The following SEPTIN10 variants were observed in gnomAD, a reference collection of about 807,000 sequenced individuals.
The protein encoded by SEPTIN10 is septin-10.
A neutral mutation model predicts 54.8 loss-of-function variants in SEPTIN10; 66 were observed. The observed-to-expected ratio is 1.21, with a 90% CI of 0.99 to 1.48. SEPTIN10 has a LOEUF of 1.48. Among genes scored for constraint, SEPTIN10 ranks in the 40% most tolerant of loss-of-function variants. The probability of loss-of-function intolerance (pLI) is 0.00; values close to 1 mark genes in which losing one functional copy is unlikely to be tolerated. For missense variants in SEPTIN10, 620 were observed against 545.6 expected (o/e 1.14, Z -1.36); for synonymous variants, 161 against 181.0 (o/e 0.89, Z 0.89).
chr2:109,590,218 G>A (rs1032296555), intron 2 of SEPTIN10, among the ~76,000 whole-genome samples: 4 of 151,808 alleles, frequency 2.6e-5, no homozygotes, highest in African/African-American at 7.3e-5. Context: ...AGAAGAAATC[G>A]CTTTTTATTG....
chr2:109,567,548 C>T lies in SEPTIN10; in HGVS notation c.762+267G>A, dbSNP rs528457175. On this transcript the variant is annotated intron_variant, in intron 6 of 10. Coordinates refer to ENST00000397712, the MANE Select transcript of SEPTIN10 (RefSeq NM_144710.5). ...TCTAAGGCAATTACATATGGCTGCACAAAAGGTATATCCCAGTCTCACAAA... is the reference window on the plus strand; with the variant it reads ...TCTAAGGCAATTACATATGGCTGCATAAAAGGTATATCCCAGTCTCACAAA... 7.9e-5 allele frequency among the ~76,000 whole-genome samples: 12 copies of T among 152,238 alleles called. No homozygotes were observed. The East Asian group carries it at 1.9e-3, about 24-fold the overall frequency.
At chr2:109,544,654 GA>G in intron 10 of SEPTIN10, 4 of 918,386 alleles carry the variant, frequency 4.4e-6, no homozygotes, top group South Asian at 5.1e-5. Flanking sequence ...AAGATGAAAG[GA>G]AAAAAGGTAT....
At chr2:109,594,380 T>TA (rs2105981512) in intron 1 of SEPTIN10, among the ~76,000 whole-genome samples, 1 of 152,304 alleles carries the variant, frequency 6.6e-6, no homozygotes, top group South Asian at 2.1e-4. Flanking sequence ...ACCAGACCCT[T>TA]ACGCATCCTT....
intron 1 of SEPTIN10, among the ~76,000 whole-genome samples, chr2:109,610,971 C>A (rs535053607): frequency 4.5e-4 from 68 of 152,286 alleles, no homozygotes; most frequent in African/African-American, 1.6e-3. Context: ...CAGACTTACA[C>A]AGCTACAGGA....
chr2:109,552,980 A>G, intron 9 of SEPTIN10, 107 bp downstream of exon 9: 3 of 1,263,500 alleles, frequency 2.4e-6, no homozygotes, highest in Non-Finnish European at 3.3e-6. Context: ...CTCTTTAAAG[A>G]ACAAGTAGCC....
intron 1 of SEPTIN10, 81 bp from the exon 2 acceptor site, chr2:109,593,200 G>T: frequency 1.2e-6 from 1 of 860,856 alleles, no homozygotes; most frequent in Non-Finnish European, 1.8e-6. Context: ...ATATTTACAT[G>T]AATAAGGTGT....
chr2:109,547,183 A>G (rs910141082), intron 9 of SEPTIN10, among the ~76,000 whole-genome samples: 1 of 152,120 alleles, frequency 6.6e-6, no homozygotes, highest in African/African-American at 2.4e-5. Context: ...TCTGCCAGCT[A>G]TGTGCCTTCC....
At chr2:109,610,408 C>T (rs1427268277) in intron 1 of SEPTIN10, among the ~76,000 whole-genome samples, 1 of 151,688 alleles carries the variant, frequency 6.6e-6, no homozygotes, top group Non-Finnish European at 1.5e-5. Flanking sequence ...ATTTTAATAT[C>T]CTCTTCTATT....
chr2:109,546,245 C>A lies in SEPTIN10; in HGVS notation c.1162-8G>T, dbSNP rs1237858126. 1 of 1,533,896 alleles carries A rather than the reference C, an allele frequency of 6.5e-7. No individual in the cohort carries two copies. Among genetic ancestry groups the A allele is most frequent in the East Asian group, 2.3e-5 (1 of 42,774 alleles). On this transcript the variant is annotated splice_region_variant and splice_polypyrimidine_tract_variant and intron_variant, in intron 9 of 10. Coordinates refer to ENST00000397712, the MANE Select transcript of SEPTIN10 (RefSeq NM_144710.5). ...CTCAAATTTGGCCTGTAGCTGGAAA[C>A]AAAAGTGCAATCCCCACTACTGACA...
rs183394356 is a variant in SEPTIN10 at position 109,584,178 on chromosome 2, T to C, written c.413+948A>G. Among the ~76,000 whole-genome samples, 149 of 152,204 alleles carry C rather than the reference T, an allele frequency of 9.8e-4. 1 individual carries two copies. Among genetic ancestry groups the C allele is most frequent in the Non-Finnish European group, 1.5e-3 (105 of 68,008 alleles). On this transcript the variant is annotated intron_variant, in intron 4 of 10. Coordinates refer to ENST00000397712, the MANE Select transcript of SEPTIN10 (RefSeq NM_144710.5). ...ATTTTTTAAAAGGAAAAAAATTACT[T>C]ACAAAAATGGAAATAAGACTGGGCG...
chr2:109,568,282 G>T (rs568397780), intron 5 of SEPTIN10, among the ~76,000 whole-genome samples: 1 of 151,638 alleles, frequency 6.6e-6, no homozygotes, highest in African/African-American at 2.4e-5. Context: ...GCCCTTTGCA[G>T]AAAAGGCATG....
intron 2 of SEPTIN10, among the ~76,000 whole-genome samples, chr2:109,590,234 G>A (rs891974287): frequency 6.6e-6 from 1 of 151,840 alleles, no homozygotes; most frequent in African/African-American, 2.4e-5. Flanking sequence ...TATTGTATAT[G>A]GTTGGCAGAA....
chr2:109,598,997 A>C (rs1695951115), intron 1 of SEPTIN10, among the ~76,000 whole-genome samples: 1 of 152,210 alleles, frequency 6.6e-6, no homozygotes, highest in South Asian at 2.1e-4. Flanking sequence ...CATTATTTAA[A>C]ATCATTTTAT....
rs192179643 is a variant in SEPTIN10 at position 109,604,123 on chromosome 2, C to T, written c.30+9675G>A. ...ATTGCAGTGAGCCGAGATCATGCCACTGCACTCCAGCCTGGGCGACAGAGC... is the reference window on the plus strand; with the variant it reads ...ATTGCAGTGAGCCGAGATCATGCCATTGCACTCCAGCCTGGGCGACAGAGC... On this transcript the variant is annotated intron_variant, in intron 1 of 10. Transcript: ENST00000397712. Among the ~76,000 whole-genome samples, 1,342 of 143,540 alleles carry T rather than the reference C, an allele frequency of 9.3e-3. 95 individuals carry two copies. Among genetic ancestry groups the T allele is most frequent in the Admixed American group, 0.086 (1,203 of 14,056 alleles). 94.2% of individuals were successfully genotyped at this position (143,540 alleles called of 152,430 possible).
chr2:109,591,003 G>C (rs1196892261), intron 2 of SEPTIN10, among the ~76,000 whole-genome samples: 1 of 152,174 alleles, frequency 6.6e-6, no homozygotes, highest in Non-Finnish European at 1.5e-5. Flanking sequence ...TTGACCTATA[G>C]AACTGAGAGC....
chr2:109,552,711 C>A, intron 9 of SEPTIN10: 1 of 192,344 alleles, frequency 5.2e-6, no homozygotes. Flanking sequence ...TTGGCACTAA[C>A]AAAGACAAAC....
chr2:109,556,850 A>G (rs1214244824), intron 8 of SEPTIN10, among the ~76,000 whole-genome samples: 1 of 152,212 alleles, frequency 6.6e-6, no homozygotes, highest in Non-Finnish European at 1.5e-5. Flanking sequence ...ATAAAAAATG[A>G]TGAGTTCATG....
In SEPTIN10 at chr2:109,552,926, A is replaced by C; in HGVS notation, c.1161+161T>G. ...CAAAGTTTTCATTTAATTTCAGGCTATGATTCTAAGTCAATATTCAAATAC... is the reference window on the plus strand; with the variant it reads ...CAAAGTTTTCATTTAATTTCAGGCTCTGATTCTAAGTCAATATTCAAATAC... On this transcript the variant is annotated intron_variant, in intron 9 of 10. Transcript: ENST00000397712. The C allele has an allele frequency of 5.1e-6, 4 of 777,074 alleles. No homozygotes were observed. In the South Asian group the frequency reaches 8.8e-5, roughly 17 times the overall value. The allele number at this position is 777,074 out of a possible 1,614,324, so 48.1% of individuals were successfully genotyped here. A position where few individuals can be genotyped will look rare whatever the true frequency, so the allele number is the denominator to read the frequency against.
At chr2:109,552,766 G>A (rs1006926557) in intron 9 of SEPTIN10, 6 of 216,200 alleles carry the variant, frequency 2.8e-5, no homozygotes, top group African/African-American at 1.2e-4. Context: ...ATTGTATACC[G>A]TGGATTCAAG....
Sources: gnomAD v4.1 joint callset for allele counts (sites outside exome capture counted in the v4.1 genomes callset) on GRCh38, gnomAD v4.1.1 for gene constraint, MANE v1.5 for transcripts, NCBI Gene and HGNC (gene_info 2026-07-23, HGNC 2026-07-21) for gene names.